The following CCSER1 variants were observed in gnomAD, a reference collection of about 807,000 sequenced individuals.
CCSER1 encodes the protein coiled-coil serine rich protein 1.
Under a neutral mutation model 82.0 loss-of-function variants are expected in CCSER1, and 41 were observed. That is an observed-to-expected ratio of 0.50 (90% confidence interval 0.39 to 0.65). The LOEUF is 0.65. CCSER1 is among the 30% of genes least tolerant of loss of function. The pLI is 0.00. For synonymous variants in CCSER1, 414 were observed against 383.9 expected (o/e 1.08, Z -0.92); for missense variants, 1,119 against 1,064.2 (o/e 1.05, Z -0.72).
chr4:90,128,347 G>A (rs1414617113), intron 1 of CCSER1, among the ~76,000 whole-genome samples: 5 of 152,202 alleles, frequency 3.3e-5, no homozygotes, highest in African/African-American at 1.2e-4. Flanking sequence ...TGCGGGGCCG[G>A]GACCACCTCT....
intron 10 of CCSER1, chr4:91,325,128 C>G: frequency 2.2e-6 from 1 of 455,490 alleles, no homozygotes; most frequent in Non-Finnish European, 4.4e-6. Flanking sequence ...TTTCTAATTC[C>G]ACAGGTGTCA....
chr4:90,862,785 T>A (rs1427720841), intron 8 of CCSER1, among the ~76,000 whole-genome samples: 1 of 151,822 alleles, frequency 6.6e-6, no homozygotes, highest in Admixed American at 6.6e-5. Flanking sequence ...TAGACTGGCC[T>A]GGTTTGGAAA....
intron 6 of CCSER1, among the ~76,000 whole-genome samples, chr4:90,710,469 T>G (rs1235326773): frequency 6.6e-6 from 1 of 151,972 alleles, no homozygotes; most frequent in East Asian, 1.9e-4. Flanking sequence ...TTGGGTTTTA[T>G]ATGTAAGTCT....
intron 10 of CCSER1, among the ~76,000 whole-genome samples, chr4:91,120,124 G>A (rs964928082): frequency 6.6e-6 from 1 of 151,932 alleles, no homozygotes; most frequent in African/African-American, 2.4e-5. Context: ...ATAATAATTT[G>A]CATAATAGTG....
chr4:90,229,226 T>C (rs983292027), intron 1 of CCSER1, among the ~76,000 whole-genome samples: 4 of 152,050 alleles, frequency 2.6e-5, no homozygotes, highest in Non-Finnish European at 5.9e-5. Context: ...GAGAGAAAGG[T>C]CGGGTTACCC....
intron 10 of CCSER1, among the ~76,000 whole-genome samples, chr4:91,315,337 A>G (rs920274473): frequency 6.6e-6 from 1 of 152,002 alleles, no homozygotes; most frequent in Middle Eastern, 3.2e-3. Context: ...ATTAATAGAA[A>G]GCAGTACACC....
At chr4:91,279,021 A>C (rs1174807473) in intron 10 of CCSER1, among the ~76,000 whole-genome samples, 1 of 151,836 alleles carries the variant, frequency 6.6e-6, no homozygotes, top group Non-Finnish European at 1.5e-5. Flanking sequence ...TATGAAGGAT[A>C]AATTTGCTGT....
chr4:91,401,617 C>T (rs1386215027), intron 10 of CCSER1, among the ~76,000 whole-genome samples: 1 of 151,940 alleles, frequency 6.6e-6, no homozygotes, highest in Non-Finnish European at 1.5e-5. Flanking sequence ...TCTCATTGTT[C>T]AATTCCCACC....
intron 10 of CCSER1, among the ~76,000 whole-genome samples, chr4:91,509,537 A>G (rs1028831321): frequency 6.6e-6 from 1 of 152,106 alleles, no homozygotes; most frequent in Non-Finnish European, 1.5e-5. Context: ...CTTGAGGATA[A>G]TATATCTACT....
chr4:90,604,974 C>T (rs1471074916), intron 5 of CCSER1, among the ~76,000 whole-genome samples: 1 of 151,160 alleles, frequency 6.6e-6, no homozygotes, highest in East Asian at 1.9e-4. Context: ...CAGGCTGCCC[C>T]AGCCAGCAGC....
At chr4:90,508,217 A>G (rs1770981670) in intron 5 of CCSER1, among the ~76,000 whole-genome samples, 1 of 152,112 alleles carries the variant, frequency 6.6e-6, no homozygotes, top group Admixed American at 6.5e-5. Flanking sequence ...TTGGGTATAC[A>G]GTGAGTATAA....
chr4:90,300,710 C>T (rs1337621332), intron 1 of CCSER1, among the ~76,000 whole-genome samples: 1 of 152,176 alleles, frequency 6.6e-6, no homozygotes, highest in African/African-American at 2.4e-5. Flanking sequence ...TTTACCTGTA[C>T]AGACAGATAG....
intron 10 of CCSER1, among the ~76,000 whole-genome samples, chr4:91,299,642 A>C (rs1744505196): frequency 6.6e-6 from 1 of 152,016 alleles, no homozygotes; most frequent in African/African-American, 2.4e-5. Context: ...AAATAGTACT[A>C]CAAGGATATT....
rs1454498114 is a variant in CCSER1, at chr4:91,292,260, AAGAC to A, written c.2217+206269_2217+206272del. ...AAAGATTCCCTTGCAGTGTGTGAAA[AAGAC>A]AGTGTCTGTTATAAATCAAACAAAA... On this transcript the variant is annotated intron_variant, in intron 10 of 10. Coordinates refer to ENST00000509176, the MANE Select transcript of CCSER1 (RefSeq NM_001145065.2). Among the ~76,000 whole-genome samples, 4 of 151,948 alleles carry A rather than the reference AAGAC, an allele frequency of 2.6e-5. No homozygotes were observed. The East Asian group carries it at 7.8e-4, about 30-fold the overall frequency.
At chr4:91,490,900 AT>A (rs1758490654) in intron 10 of CCSER1, among the ~76,000 whole-genome samples, 8 of 73,302 alleles carry the variant, frequency 1.1e-4, no homozygotes, top group African/African-American at 3.1e-4. Context: ...ATATATATAT[AT>A]ATATATATAT....
intron 6 of CCSER1, chr4:90,663,975 A>G (rs2149108558): frequency 5.2e-6 from 1 of 190,560 alleles, no homozygotes; most frequent in Non-Finnish European, 1.2e-5. Flanking sequence ...AAAGATAAAA[A>G]TTGGTTTTTC....
Position 90,155,504 on chromosome 4 carries a change from G to C in CCSER1, c.-42+27673G>C, listed in dbSNP as rs1372756231. Among the ~76,000 whole-genome samples, 10 of 152,228 alleles carry C rather than the reference G, an allele frequency of 6.6e-5. No individual in the cohort carries two copies. In the South Asian group the frequency reaches 1.9e-3, roughly 28 times the overall value. On this transcript the variant is annotated intron_variant, in intron 1 of 10. Transcript: ENST00000509176. ...GTAGAATTCAGCTGTGAATCCATCTGGTCCTGGACTCTTTTTGGTTGGTAA... is the reference window on the plus strand; with the variant it reads ...GTAGAATTCAGCTGTGAATCCATCTCGTCCTGGACTCTTTTTGGTTGGTAA...
intron 10 of CCSER1, among the ~76,000 whole-genome samples, chr4:91,158,082 G>T (rs1231360991): frequency 6.6e-6 from 1 of 151,908 alleles, no homozygotes; most frequent in East Asian, 1.9e-4. Context: ...GATTTGAAAG[G>T]ATTTGTGCTA....
At chr4:90,436,899 C>T (rs1053304338) in intron 4 of CCSER1, among the ~76,000 whole-genome samples, 15 of 151,816 alleles carry the variant, frequency 9.9e-5, no homozygotes, top group South Asian at 6.2e-4. Context: ...CTCTTCCTCC[C>T]GGGTTCACGC....
Sources: allele counts gnomAD v4.1 joint callset (sites outside exome capture counted in the v4.1 genomes callset), GRCh38; gene constraint gnomAD v4.1.1; transcripts MANE v1.5; gene names NCBI Gene and HGNC (gene_info 2026-07-23, HGNC 2026-07-21).